Variants in TCF12 observed in about 807,000 individuals in gnomAD.
TCF12 encodes the protein transcription factor 12.
In TCF12, 45 loss-of-function variants were observed where a neutral mutation model predicts 86.0. The ratio of observed to expected loss-of-function variants is 0.52; its 90% confidence interval spans 0.41 to 0.67. The LOEUF (loss-of-function observed/expected upper bound fraction) is 0.67, where lower values mean the gene tolerates loss of function less well. TCF12 is among the 30% of genes least tolerant of loss of function. The probability of loss-of-function intolerance (pLI) is 0.00; values close to 1 mark genes in which losing one functional copy is unlikely to be tolerated. For missense variants in TCF12, 881 were observed against 859.9 expected (o/e 1.02, Z -0.31); for synonymous variants, 330 against 299.6 (o/e 1.10, Z -1.05).
intron 3 of TCF12, among the ~76,000 whole-genome samples, chr15:56,991,062 C>G (rs1595996117): frequency 6.6e-6 from 1 of 152,138 alleles, no homozygotes; most frequent in African/African-American, 2.4e-5. Flanking sequence ...TCCCAAAGTG[C>G]TGACATTACA....
chr15:57,018,194 G>T (rs2065263574), intron 3 of TCF12, among the ~76,000 whole-genome samples: 1 of 152,200 alleles, frequency 6.6e-6, no homozygotes, highest in Admixed American at 6.5e-5. Context: ...TATACACATT[G>T]ATTAGCAGCA....
At chr15:56,933,967 G>C (rs1272834767) in intron 3 of TCF12, among the ~76,000 whole-genome samples, 1 of 151,842 alleles carries the variant, frequency 6.6e-6, no homozygotes, top group Non-Finnish European at 1.5e-5. Context: ...TCATCAGAAT[G>C]TCAGAATTCT....
intron 8 of TCF12, among the ~76,000 whole-genome samples, chr15:57,203,554 A>G (rs1032682667): frequency 6.6e-6 from 1 of 152,206 alleles, no homozygotes; most frequent in Non-Finnish European, 1.5e-5. Context: ...TACCTTTTTC[A>G]TATCAAATAT....
At position 57,003,585 on chromosome 15, in the gene TCF12, G is replaced by A. The variant is rs368078914; in HGVS notation, c.149-60165G>A. Reference sequence around the variant, plus strand: ...CGTGGCACAAAATAGGCTACTGAAAGGACTCTTGTTTACATTATAAGAGCT... The same window carrying A: ...CGTGGCACAAAATAGGCTACTGAAAAGACTCTTGTTTACATTATAAGAGCT... On this transcript the variant is annotated intron_variant, in intron 3 of 20. Coordinates refer to ENST00000333725, the MANE Select transcript of TCF12 (RefSeq NM_207037.2). Among the ~76,000 whole-genome samples, 5 of 152,154 alleles carry A rather than the reference G, an allele frequency of 3.3e-5. No individual in the cohort carries two copies. In the East Asian group the frequency reaches 9.6e-4, roughly 29 times the overall value.
intron 2 of TCF12, 98 bp downstream of exon 2, chr15:56,920,086 GA>G: frequency 2.2e-6 from 3 of 1,340,462 alleles, no homozygotes; most frequent in Non-Finnish European, 3.2e-6. Context: ...AAGCAACGTG[GA>G]GACTAGGCAG....
At chr15:56,984,001 CAAAAAAAAA>C (rs71113046) in intron 3 of TCF12, among the ~76,000 whole-genome samples, 1 of 43,056 alleles carries the variant, frequency 2.3e-5, no homozygotes, top group African/African-American at 9.7e-5. Context: ...GACCCTGTCT[CAAAAAAAAA>C]AAAAAAGAAG....
chr15:56,952,004 G>A (rs1277944133), intron 3 of TCF12, among the ~76,000 whole-genome samples: 1 of 152,006 alleles, frequency 6.6e-6, no homozygotes, highest in African/African-American at 2.4e-5. Flanking sequence ...TCCATTTTGA[G>A]TTAATTTTGT....
intron 3 of TCF12, among the ~76,000 whole-genome samples, chr15:57,035,037 G>A (rs1479688700): frequency 6.6e-6 from 1 of 151,996 alleles, no homozygotes; most frequent in Non-Finnish European, 1.5e-5. Flanking sequence ...GCATATATTA[G>A]AAACTAATGT....
At chr15:57,035,881 T>C (rs2066476275) in intron 3 of TCF12, among the ~76,000 whole-genome samples, 5 of 152,094 alleles carry the variant, frequency 3.3e-5, no homozygotes, top group Admixed American at 3.3e-4. Flanking sequence ...ACAAACATTA[T>C]CTCCTGAGCT....
intron 4 of TCF12, among the ~76,000 whole-genome samples, chr15:57,068,094 T>C (rs1247847104): frequency 2.0e-5 from 3 of 152,222 alleles, no homozygotes; most frequent in African/African-American, 7.2e-5. Flanking sequence ...TGTGAAATCA[T>C]ACTGCTTGGG....
At chr15:57,061,164 A>G (rs2068431087) in intron 3 of TCF12, among the ~76,000 whole-genome samples, 1 of 152,134 alleles carries the variant, frequency 6.6e-6, no homozygotes, top group African/African-American at 2.4e-5. Context: ...TCTTTATTTT[A>G]TAGAAGTAGA....
intron 5 of TCF12, among the ~76,000 whole-genome samples, chr15:57,156,500 C>G (rs1248114369): frequency 1.3e-5 from 2 of 152,204 alleles, no homozygotes; most frequent in East Asian, 3.8e-4. Context: ...GGTAGCAGTT[C>G]CATTGACTAG....
chr15:56,929,386 T>G (rs2060149375), intron 3 of TCF12, among the ~76,000 whole-genome samples: 1 of 152,260 alleles, frequency 6.6e-6, no homozygotes, highest in African/African-American at 2.4e-5. Context: ...ATAACATGAC[T>G]GTTATTTGAA....
At chr15:57,191,897 A>G (rs186203368) in intron 6 of TCF12, among the ~76,000 whole-genome samples, 38 of 151,620 alleles carry the variant, frequency 2.5e-4, no homozygotes, top group African/African-American at 8.7e-4. Context: ...TCTTACCACT[A>G]CACTCCAGCC....
chr15:57,259,036 CT>C (rs1336299362), intron 16 of TCF12, among the ~76,000 whole-genome samples: 5 of 151,990 alleles, frequency 3.3e-5, no homozygotes, highest in East Asian at 1.9e-4. Context: ...CTTTTAACCA[CT>C]TTTTTGCTTT....
intron 5 of TCF12, among the ~76,000 whole-genome samples, chr15:57,093,016 G>A (rs2049089448): frequency 6.6e-6 from 1 of 152,090 alleles, no homozygotes; most frequent in Non-Finnish European, 1.5e-5. Flanking sequence ...GGATTTTGCC[G>A]AAGGCGGTTG....
chr15:57,050,119 C>T (rs2067510730), intron 3 of TCF12, among the ~76,000 whole-genome samples: 1 of 152,130 alleles, frequency 6.6e-6, no homozygotes, highest in South Asian at 2.1e-4. Flanking sequence ...TATACCTCTT[C>T]CTATTCTTTG....
intron 6 of TCF12, among the ~76,000 whole-genome samples, 189 bp from the exon 7 acceptor site, chr15:57,191,969 G>A (rs182643175): frequency 5.3e-5 from 8 of 152,030 alleles, no homozygotes; most frequent in Admixed American, 2.6e-4. Flanking sequence ...ACAATGTGAG[G>A]GTGGAGAAAA....
chr15:57,123,160 G>A (rs549096097), intron 5 of TCF12, among the ~76,000 whole-genome samples: 1 of 152,310 alleles, frequency 6.6e-6, no homozygotes, highest in South Asian at 2.1e-4. Flanking sequence ...TCTTTGCTAT[G>A]TCAGAAAATT....
Sources: gnomAD v4.1 joint callset for allele counts (sites outside exome capture counted in the v4.1 genomes callset) on GRCh38, gnomAD v4.1.1 for gene constraint, MANE v1.5 for transcripts, NCBI Gene and HGNC (gene_info 2026-07-23, HGNC 2026-07-21) for gene names.